The following PPP1R14C variants were observed in gnomAD, a reference collection of about 807,000 sequenced individuals.
PPP1R14C encodes protein phosphatase 1 regulatory subunit 14C.
Under a neutral mutation model 20.4 loss-of-function variants are expected in PPP1R14C, and 16 were observed. The observed-to-expected ratio is 0.78, with a 90% confidence interval of 0.53 to 1.19. PPP1R14C has a LOEUF of 1.19. Among genes scored for constraint, PPP1R14C ranks in the 50% most tolerant of loss-of-function variants. PPP1R14C has a pLI of 0.00. For missense variants in PPP1R14C, 211 were observed against 220.1 expected (o/e 0.96, Z 0.26); for synonymous variants, 91 against 91.0 (o/e 1.00, Z 0.00).
At chr6:150,207,451 G>A (rs56292304) in intron 1 of PPP1R14C, among the ~76,000 whole-genome samples, 10 of 152,308 alleles carry the variant, frequency 6.6e-5, no homozygotes, top group Admixed American at 2.6e-4. Context: ...CATGCCTTGC[G>A]TGCTCCCCAG....
At chr6:150,237,069 A>G (rs1778370161) in intron 3 of PPP1R14C, among the ~76,000 whole-genome samples, 1 of 144,236 alleles carries the variant, frequency 6.9e-6, no homozygotes, top group Non-Finnish European at 1.5e-5. Flanking sequence ...CTGAGCACCC[A>G]TGGTCTCACT....
intron 1 of PPP1R14C, among the ~76,000 whole-genome samples, chr6:150,190,306 C>T (rs1777726337): frequency 6.6e-6 from 1 of 152,068 alleles, no homozygotes; most frequent in African/African-American, 2.4e-5. Flanking sequence ...AGCCCAGCCC[C>T]TGATCTTCAA....
intron 3 of PPP1R14C, among the ~76,000 whole-genome samples, chr6:150,221,806 T>A (rs1315297641): frequency 6.8e-6 from 1 of 147,582 alleles, no homozygotes; most frequent in Non-Finnish European, 1.5e-5. Context: ...TATTTTATTT[T>A]AATTTTTTTT....
At chr6:150,183,615 G>A (rs892765306) in intron 1 of PPP1R14C, among the ~76,000 whole-genome samples, 2 of 151,954 alleles carry the variant, frequency 1.3e-5, no homozygotes, top group African/African-American at 4.8e-5. Flanking sequence ...GAGTTTAAGC[G>A]ATTCTCCTGC....
intron 1 of PPP1R14C, among the ~76,000 whole-genome samples, chr6:150,161,008 G>T (rs2343534): frequency 6.6e-6 from 1 of 152,068 alleles, no homozygotes; most frequent in African/African-American, 2.4e-5. Context: ...GGCCGGGTGC[G>T]GTGGCTCATG....
At chr6:150,150,372 C>G (rs1432550611) in intron 1 of PPP1R14C, among the ~76,000 whole-genome samples, 1 of 152,050 alleles carries the variant, frequency 6.6e-6, no homozygotes, top group Non-Finnish European at 1.5e-5. Context: ...TGAGTCCCAC[C>G]CACTGTCTTT....
At chr6:150,242,566 T>G (rs996825856) in intron 3 of PPP1R14C, among the ~76,000 whole-genome samples, 1 of 152,240 alleles carries the variant, frequency 6.6e-6, no homozygotes, top group East Asian at 1.9e-4. Flanking sequence ...CCTCCTTAAG[T>G]TGATAAAAAA....
chr6:150,237,355 C>T (rs1047165674), intron 3 of PPP1R14C, among the ~76,000 whole-genome samples: 4 of 152,132 alleles, frequency 2.6e-5, no homozygotes, highest in African/African-American at 4.8e-5. Context: ...AGGCATGTGC[C>T]ACCATGCCCT....
intron 1 of PPP1R14C, among the ~76,000 whole-genome samples, chr6:150,214,191 A>G (rs191281220): frequency 6.0e-4 from 92 of 152,206 alleles, no homozygotes; most frequent in Admixed American, 5.6e-3. Context: ...CCCAAATCCC[A>G]TGGTGGAATC....
chr6:150,162,563 C>T (rs2343537), intron 1 of PPP1R14C, among the ~76,000 whole-genome samples: 109,431 of 152,102 alleles, frequency 0.72, 39,714 homozygotes, highest in East Asian at 0.9. Context: ...TGCCATTGTA[C>T]AAATGTACCA....
chr6:150,163,125 C>G (rs1405579513), intron 1 of PPP1R14C, among the ~76,000 whole-genome samples: 1 of 152,210 alleles, frequency 6.6e-6, no homozygotes, highest in African/African-American at 2.4e-5. Flanking sequence ...GGCGCGGTGG[C>G]TCATACCTGT....
intron 1 of PPP1R14C, among the ~76,000 whole-genome samples, chr6:150,198,993 G>A (rs1387093280): frequency 1.4e-5 from 2 of 147,278 alleles, no homozygotes; most frequent in African/African-American, 4.9e-5. Flanking sequence ...GAAGTGGTAG[G>A]CTTCTTCTTT....
chr6:150,183,382 CAT>C (rs1777643641), intron 1 of PPP1R14C, among the ~76,000 whole-genome samples: 1 of 152,140 alleles, frequency 6.6e-6, no homozygotes, highest in Admixed American at 6.5e-5. Flanking sequence ...AAAAAATAAA[CAT>C]ATTTTGTGTT....
intron 1 of PPP1R14C, among the ~76,000 whole-genome samples, chr6:150,172,914 C>T (rs997833482): frequency 2.0e-5 from 3 of 152,154 alleles, no homozygotes; most frequent in African/African-American, 4.8e-5. Flanking sequence ...TTCCCATCAG[C>T]CATGCTGCCT....
At chr6:150,206,139 C>T (rs1181391379) in intron 1 of PPP1R14C, among the ~76,000 whole-genome samples, 1 of 152,116 alleles carries the variant, frequency 6.6e-6, no homozygotes, top group Non-Finnish European at 1.5e-5. Context: ...TACGTGTTTT[C>T]CCTTGATGCT....
intron 1 of PPP1R14C, among the ~76,000 whole-genome samples, chr6:150,213,607 A>G (rs1582921606): frequency 6.6e-6 from 1 of 152,232 alleles, no homozygotes; most frequent in African/African-American, 2.4e-5. Context: ...TTGGGCTGCC[A>G]TGACTCCTGA....
intron 1 of PPP1R14C, among the ~76,000 whole-genome samples, chr6:150,155,659 A>G (rs78827774): frequency 6.6e-6 from 1 of 152,136 alleles, no homozygotes; most frequent in African/African-American, 2.4e-5. Context: ...GCTTCATCTT[A>G]GTTGAACAGT....
chr6:150,156,793 G>A (rs12524606), intron 1 of PPP1R14C, among the ~76,000 whole-genome samples: 17,896 of 152,180 alleles, frequency 0.12, 1,459 homozygotes, highest in African/African-American at 0.22. Context: ...TTAGACAAGT[G>A]CCTTTTGTTA....
At chr6:150,248,471 C>G (rs1562279596) in intron 3 of PPP1R14C, among the ~76,000 whole-genome samples, 1 of 152,316 alleles carries the variant, frequency 6.6e-6, no homozygotes, top group East Asian at 1.9e-4. Flanking sequence ...GATCTCAACA[C>G]AAATGCCTCA....
Sources: gnomAD v4.1 joint callset for allele counts (sites outside exome capture counted in the v4.1 genomes callset) on GRCh38, gnomAD v4.1.1 for gene constraint, MANE v1.5 for transcripts, NCBI Gene and HGNC (gene_info 2026-07-23, HGNC 2026-07-21) for gene names.